NEIL3: variants seen among roughly 807,000 people sequenced by gnomAD.
The protein encoded by NEIL3 is endonuclease 8-like 3.
NEIL3 carries 48 observed loss-of-function variants against 57.5 expected under a neutral mutation model. The ratio of observed to expected loss-of-function variants is 0.83; its 90% CI spans 0.66 to 1.06. The LOEUF (loss-of-function observed/expected upper bound fraction) is 1.06, where lower values mean the gene tolerates loss of function less well. Among genes scored for constraint, NEIL3 ranks in the 50% least tolerant of loss-of-function variants. The pLI, the probability that NEIL3 is intolerant of heterozygous loss-of-function variation, is 0.00. For synonymous variants in NEIL3, 261 were observed against 253.2 expected (o/e 1.03, Z -0.29); for missense variants, 717 against 739.1 (o/e 0.97, Z 0.35).
At chr4:177,326,158 T>C (rs903154654) in intron 2 of NEIL3, among the ~76,000 whole-genome samples, 20 of 152,322 alleles carry the variant, frequency 1.3e-4, no homozygotes, top group African/African-American at 4.6e-4. Context: ...GTTTGTTTTC[T>C]TCTGGAAGTT....
intron 6 of NEIL3, chr4:177,343,211 G>A (rs1735132885): frequency 6.6e-6 from 1 of 152,204 alleles, no homozygotes; most frequent in Non-Finnish European, 1.5e-5. Context: ...TGAAGATGCA[G>A]TATGTGTTAG....
At chr4:177,347,470 C>G (rs777934027) in intron 6 of NEIL3, among the ~76,000 whole-genome samples, 5 of 152,156 alleles carry the variant, frequency 3.3e-5, no homozygotes, top group Non-Finnish European at 7.3e-5. Flanking sequence ...ACTCTGGCGA[C>G]TGTTGCCAAT....
chr4:177,333,772 G>A (rs1024839583), intron 2 of NEIL3, among the ~76,000 whole-genome samples: 14 of 152,118 alleles, frequency 9.2e-5, no homozygotes, highest in African/African-American at 2.4e-4. Context: ...TGGGTCCTAC[G>A]TCTTTAAATT....
Position 177,351,552 on chromosome 4 carries a change from A to G in NEIL3, c.1039+3A>G. ...TTGCTTGACCTCAAGGCCTATTGGT[A>G]AGACTGAATTTTGATTTTGAGTTTG... On this transcript the variant is annotated splice_donor_region_variant and intron_variant, in intron 7 of 9. Transcript: ENST00000264596. 6.2e-7 allele frequency: 1 copy of G among 1,606,518 alleles called. No homozygotes were observed. Among genetic ancestry groups the G allele is most frequent in the Non-Finnish European group, 8.5e-7 (1 of 1,176,616 alleles).
intron 1 of NEIL3, among the ~76,000 whole-genome samples, chr4:177,317,778 T>C (rs1339311527): frequency 3.9e-5 from 6 of 151,956 alleles, no homozygotes; most frequent in Non-Finnish European, 5.9e-5. Context: ...ATTTTTGTGT[T>C]TTTAGTAGAG....
At chr4:177,334,292 A>G (rs922303547) in intron 2 of NEIL3, among the ~76,000 whole-genome samples, 1 of 152,194 alleles carries the variant, frequency 6.6e-6, no homozygotes, top group Non-Finnish European at 1.5e-5. Context: ...ATTGGGGCTC[A>G]ATTATAATAT....
intron 1 of NEIL3, among the ~76,000 whole-genome samples, chr4:177,318,882 A>G (rs1394319948): frequency 6.6e-6 from 1 of 152,214 alleles, no homozygotes. Flanking sequence ...TTATGGATGC[A>G]TCCCAAGCAT....
intron 1 of NEIL3, among the ~76,000 whole-genome samples, chr4:177,321,070 C>G (rs1054136004): frequency 1.3e-5 from 2 of 151,720 alleles, no homozygotes; most frequent in African/African-American, 4.8e-5. Flanking sequence ...GACATGTCAT[C>G]TTAAGCATTT....
In NEIL3 at chr4:177,351,408, A is replaced by C; in HGVS notation, c.898A>C (p.Ser300Arg). The part of the protein sequence containing the change: ...CKLPTRNTII[S>R]WTSSRVDHVM... ...GCTACCGACTAGAAATACTATAATC[A>C]GTTGGACATCTAGCAGGGTGGATCA... Residue 300 changes from serine to arginine, a missense_variant, in exon 7 of 10, where the codon AGT (serine) becomes CGT (arginine). By Grantham distance (110) the Ser-to-Arg change is moderately radical. Transcript: ENST00000264596. The C allele has an allele frequency of 6.2e-7, 1 of 1,612,662 alleles. No homozygotes were observed. The highest frequency in any genetic ancestry group is 8.5e-7 in the Non-Finnish European group (1 of 1,179,386).
At chr4:177,356,109 T>G (rs1177943598) in intron 8 of NEIL3, among the ~76,000 whole-genome samples, 1 of 152,234 alleles carries the variant, frequency 6.6e-6, no homozygotes, top group Non-Finnish European at 1.5e-5. Context: ...TTCTGTTCCG[T>G]GGCTTAAGTG....
chr4:177,340,581 A>G (rs1735072222), intron 5 of NEIL3, among the ~76,000 whole-genome samples: 1 of 152,186 alleles, frequency 6.6e-6, no homozygotes, highest in Admixed American at 6.6e-5. Flanking sequence ...TGCTCTGCAG[A>G]TCGGTCTTGA....
At chr4:177,361,566 T>A (rs1338738852) in intron 9 of NEIL3, among the ~76,000 whole-genome samples, 1 of 152,172 alleles carries the variant, frequency 6.6e-6, no homozygotes, top group African/African-American at 2.4e-5. Context: ...GATTTCCTCC[T>A]CAAGAAGCTT....
rs185305631 is a variant in NEIL3, at chr4:177,358,496, G to A, written c.1461-2007G>A. 1.9e-4 allele frequency among the ~76,000 whole-genome samples: 29 copies of A among 152,090 alleles called. No homozygotes were observed. The South Asian group carries it at 2.9e-3, about 15-fold the overall frequency. ...CTAATTTTCTATTTTTAGTCGAGAC[G>A]GGGTTTCACCATGTTGGCCAGGCTG... On this transcript the variant is annotated intron_variant, in intron 8 of 9. Transcript: ENST00000264596.
At chr4:177,350,819 A>T (rs1161478561) in intron 6 of NEIL3, among the ~76,000 whole-genome samples, 1 of 151,864 alleles carries the variant, frequency 6.6e-6, no homozygotes, top group Non-Finnish European at 1.5e-5. Context: ...TAGTTGGTTT[A>T]AAAAAAAGCT....
At chr4:177,314,677 GT>G (rs1362494914) in intron 1 of NEIL3, among the ~76,000 whole-genome samples, 1 of 152,130 alleles carries the variant, frequency 6.6e-6, no homozygotes, top group African/African-American at 2.4e-5. Flanking sequence ...TGTAGAATAT[GT>G]TTTTGATGAA....
chr4:177,356,267 C>T (rs1735471870), intron 8 of NEIL3, among the ~76,000 whole-genome samples: 1 of 152,012 alleles, frequency 6.6e-6, no homozygotes, highest in Non-Finnish European at 1.5e-5. Context: ...ATTAATGTAA[C>T]CTTAAATTTA....
At chr4:177,341,770 C>G (rs1462762533) in intron 6 of NEIL3, 128 bp downstream of exon 6, 1 of 784,048 alleles carries the variant, frequency 1.3e-6, no homozygotes, top group Non-Finnish European at 1.9e-6. Context: ...GTATTTTAGT[C>G]CTTGAAAGGA....
intron 6 of NEIL3, among the ~76,000 whole-genome samples, chr4:177,347,812 A>G (rs1023234718): frequency 1.3e-5 from 2 of 152,232 alleles, no homozygotes; most frequent in African/African-American, 4.8e-5. Context: ...TAATGTGAAT[A>G]TGTAGAATAA....
chr4:177,314,965 A>G (rs1262639933), intron 1 of NEIL3, among the ~76,000 whole-genome samples: 2 of 150,004 alleles, frequency 1.3e-5, no homozygotes, highest in African/African-American at 4.9e-5. Flanking sequence ...GCTACTCGGG[A>G]GGCTGAGGCA....
Sources: allele counts gnomAD v4.1 joint callset (sites outside exome capture counted in the v4.1 genomes callset), GRCh38; gene constraint gnomAD v4.1.1; transcripts MANE v1.5; gene names NCBI Gene and HGNC (gene_info 2026-07-23, HGNC 2026-07-21).